EBF1: variants seen among roughly 807,000 people sequenced by gnomAD.
The protein encoded by EBF1 is transcription factor COE1.
EBF1 carries 10 observed loss-of-function variants against 68.4 expected under a neutral mutation model. The observed-to-expected ratio is 0.15, with a 90% CI of 0.09 to 0.25. EBF1 has a LOEUF of 0.25. EBF1 is among the 10% of genes least tolerant of loss of function. EBF1 has a pLI of 1.00. For missense variants in EBF1, 509 were observed against 794.4 expected, an observed-to-expected ratio of 0.64 and a Z score of 4.32; for synonymous variants, 298 against 299.8, an observed-to-expected ratio of 0.99 and a Z score of 0.06.
chr5:159,043,817 T>C (rs1771752386), intron 6 of EBF1, among the ~76,000 whole-genome samples: 1 of 152,212 alleles, frequency 6.6e-6, no homozygotes, highest in Admixed American at 6.5e-5. Flanking sequence ...ATCCATTCTC[T>C]GCTTCTGCTT....
At chr5:158,911,551 A>G (rs1805978915) in intron 6 of EBF1, among the ~76,000 whole-genome samples, 1 of 152,208 alleles carries the variant, frequency 6.6e-6, no homozygotes, top group African/African-American at 2.4e-5. Flanking sequence ...TTTCCATCTC[A>G]TCTAAAGCCA....
intron 9 of EBF1, among the ~76,000 whole-genome samples, chr5:158,779,545 T>C (rs1190999550): frequency 2.0e-5 from 3 of 152,192 alleles, no homozygotes; most frequent in Non-Finnish European, 2.9e-5. Context: ...TTCCATGTTG[T>C]TATATTTCAA....
chr5:158,976,336 C>T (rs992309195), intron 6 of EBF1, among the ~76,000 whole-genome samples: 3 of 151,838 alleles, frequency 2.0e-5, no homozygotes, highest in Non-Finnish European at 4.4e-5. Context: ...GGGTACTTTT[C>T]CTCCTCCCCT....
At chr5:158,732,054 G>A (rs1337036868) in intron 10 of EBF1, among the ~76,000 whole-genome samples, 2 of 152,098 alleles carry the variant, frequency 1.3e-5, no homozygotes, top group Non-Finnish European at 2.9e-5. Flanking sequence ...TGGAAAACAC[G>A]GCAGCTCCAG....
chr5:158,742,964 T>C (rs1427303085), intron 10 of EBF1, among the ~76,000 whole-genome samples: 1 of 152,168 alleles, frequency 6.6e-6, no homozygotes, highest in Admixed American at 6.5e-5. Context: ...GGCCCCATGC[T>C]TAAGAAGATG....
At chr5:158,920,980 G>C (rs1808296854) in intron 6 of EBF1, among the ~76,000 whole-genome samples, 1 of 152,168 alleles carries the variant, frequency 6.6e-6, no homozygotes. Context: ...AACCTAGCTT[G>C]GGTACATATC....
rs778179253 is a variant in EBF1 at position 159,073,970 on chromosome 5, GC to G, written c.486-507del. On this transcript the variant is annotated intron_variant, in intron 5 of 15. Transcript: ENST00000313708. ...ATGGGTAGCATTTCCTTCAACCACA[GC>G]CTTTCCAAAAATCCTACAGCTAGGT... 7.9e-5 allele frequency among the ~76,000 whole-genome samples: 12 copies of G among 152,188 alleles called. No homozygotes were observed. The East Asian group carries it at 1.7e-3, about 22-fold the overall frequency.
At chr5:158,927,793 C>A (rs1443289413) in intron 6 of EBF1, among the ~76,000 whole-genome samples, 1 of 152,212 alleles carries the variant, frequency 6.6e-6, no homozygotes, top group African/African-American at 2.4e-5. Flanking sequence ...AGGCACTGTT[C>A]TGAACACTTT....
chr5:158,929,737 A>G (rs1184918317), intron 6 of EBF1, among the ~76,000 whole-genome samples: 1 of 152,240 alleles, frequency 6.6e-6, no homozygotes, highest in African/African-American at 2.4e-5. Context: ...TAAATGATCA[A>G]TAAGTGCAAA....
chr5:158,900,227 C>T (rs1803007127), intron 6 of EBF1, among the ~76,000 whole-genome samples: 1 of 152,154 alleles, frequency 6.6e-6, no homozygotes. Flanking sequence ...TACAAAGATG[C>T]CTGGATCCAA....
At chr5:158,801,747 T>C (rs1352026000) in intron 8 of EBF1, among the ~76,000 whole-genome samples, 2 of 151,912 alleles carry the variant, frequency 1.3e-5, no homozygotes, top group Non-Finnish European at 2.9e-5. Context: ...TGCAGACAAC[T>C]GCACCAGGGG....
At chr5:158,808,887 C>A (rs1483054313) in intron 8 of EBF1, among the ~76,000 whole-genome samples, 1 of 152,142 alleles carries the variant, frequency 6.6e-6, no homozygotes, top group Non-Finnish European at 1.5e-5. Context: ...TTCCATCACC[C>A]AAACAGTTAC....
rs565422764 is a variant in EBF1 at position 158,984,242 on chromosome 5, C to A, written c.554+89154G>T. 1.1e-4 allele frequency among the ~76,000 whole-genome samples: 16 copies of A among 152,270 alleles called. No individual in the cohort carries two copies. The South Asian group carries it at 3.3e-3, about 32-fold the overall frequency. On this transcript the variant is annotated intron_variant, in intron 6 of 15. Transcript: ENST00000313708. Reference sequence around the variant, plus strand: ...CCAAAACCATAAATGTTAAGATTCTCACCTGATTTGAAAATTGATTTCTAT... The same window carrying A: ...CCAAAACCATAAATGTTAAGATTCTAACCTGATTTGAAAATTGATTTCTAT...
At chr5:158,915,072 A>G (rs1287170375) in intron 6 of EBF1, among the ~76,000 whole-genome samples, 1 of 152,214 alleles carries the variant, frequency 6.6e-6, no homozygotes. Context: ...CTGGACTGCT[A>G]GGCTATGAGA....
At chr5:158,788,989 T>G (rs910155309) in intron 9 of EBF1, among the ~76,000 whole-genome samples, 3 of 150,504 alleles carry the variant, frequency 2.0e-5, no homozygotes, top group African/African-American at 7.3e-5. Flanking sequence ...ACCATTTTTA[T>G]CTGTTTTTTT....
intron 11 of EBF1, 127 bp downstream of exon 11, chr5:158,730,942 G>T: frequency 2.5e-6 from 2 of 786,000 alleles, no homozygotes; most frequent in Non-Finnish European, 4.1e-6. Flanking sequence ...TTACCTTACA[G>T]CACCAAACAC....
At chr5:158,934,626 A>G (rs542844779) in intron 6 of EBF1, among the ~76,000 whole-genome samples, 91 of 152,398 alleles carry the variant, frequency 6.0e-4, no homozygotes, top group Non-Finnish European at 1.1e-3. Flanking sequence ...CTGGCACTGT[A>G]GAACTTATAA....
At chr5:158,857,960 T>C (rs999226091) in intron 6 of EBF1, among the ~76,000 whole-genome samples, 2 of 152,242 alleles carry the variant, frequency 1.3e-5, no homozygotes, top group African/African-American at 4.8e-5. Flanking sequence ...ACAACTTTTT[T>C]TTCCAAGTTG....
At chr5:159,090,244 A>AG (rs1475568130) in intron 4 of EBF1, among the ~76,000 whole-genome samples, 1 of 127,194 alleles carries the variant, frequency 7.9e-6, no homozygotes, top group African/African-American at 3.1e-5. Context: ...TTTGTCATTA[A>AG]AAAAAAAAGA....
Sources: gnomAD v4.1 joint callset for allele counts (sites outside exome capture counted in the v4.1 genomes callset) on GRCh38, gnomAD v4.1.1 for gene constraint, MANE v1.5 for transcripts, NCBI Gene and HGNC (gene_info 2026-07-23, HGNC 2026-07-21) for gene names.